OXCT1: variants seen among roughly 807,000 people sequenced by gnomAD.
OXCT1 encodes the protein succinyl-CoA:3-ketoacid coenzyme A transferase 1, mitochondrial.
OXCT1 carries 27 observed loss-of-function variants against 69.6 expected under a neutral mutation model. That is an observed-to-expected ratio of 0.39 (90% CI 0.29 to 0.54). OXCT1 has a LOEUF of 0.54. OXCT1 is among the 20% of genes least tolerant of loss of function. OXCT1 has a pLI of 0.72. For missense variants in OXCT1, 437 were observed against 650.2 expected (o/e 0.67, Z 3.57); for synonymous variants, 202 against 217.8 (o/e 0.93, Z 0.64).
At chr5:41,774,783 T>C (rs532134290) in intron 13 of OXCT1, among the ~76,000 whole-genome samples, 1 of 152,106 alleles carries the variant, frequency 6.6e-6, no homozygotes, top group African/African-American at 2.4e-5. Flanking sequence ...TAGCCCAGGC[T>C]ACTAGGGAGG....
chr5:41,826,160 G>A (rs1453710010), intron 7 of OXCT1, among the ~76,000 whole-genome samples: 5 of 152,132 alleles, frequency 3.3e-5, no homozygotes, highest in Non-Finnish European at 7.4e-5. Context: ...TAAGGTATCA[G>A]CATGTTTAAG....
At chr5:41,732,198 C>T (rs900526753) in intron 16 of OXCT1, among the ~76,000 whole-genome samples, 16 of 152,206 alleles carry the variant, frequency 1.1e-4, no homozygotes, top group Admixed American at 1.0e-3. Context: ...TTGAAAGATG[C>T]TTTATGTAAT....
In OXCT1 at chr5:41,807,390, T is replaced by C. The variant is rs781448165; in HGVS notation, c.781A>G (p.Ile261Val). The C allele has an allele frequency of 1.9e-6, 3 of 1,607,702 alleles. No homozygotes were observed. The highest frequency in any genetic ancestry group is 3.3e-5 in the Admixed American group (2 of 59,878). ...AGGCGATGTACATAAATCTGAGGAATATGGATGTCTTCTGGAGCAAATGCT... is the reference window on the plus strand; with the variant it reads ...AGGCGATGTACATAAATCTGAGGAACATGGATGTCTTCTGGAGCAAATGCT... ...IGAFAPEDIH[I>V]PQIYVHRLIK... Residue 261 changes from isoleucine to valine, a missense_variant, in exon 8 of 17, where the codon ATT becomes GTT. By Grantham distance (29) the Ile-to-Val change is conservative. Around this residue, in one of 4 missense-constraint regions of OXCT1, gnomAD observed 252 missense variants for 397.4 expected, o/e 0.63. Coordinates refer to ENST00000196371, the MANE Select transcript of OXCT1 (RefSeq NM_000436.4).
chr5:41,850,326 G>A (rs1217663478), intron 4 of OXCT1, 147 bp from the exon 5 acceptor site: 6 of 881,632 alleles, frequency 6.8e-6, no homozygotes, highest in Non-Finnish European at 1.1e-5. Flanking sequence ...CACTAATATT[G>A]TATGCTAGAA....
chr5:41,779,459 T>A (rs1745289984), intron 13 of OXCT1, among the ~76,000 whole-genome samples: 1 of 152,114 alleles, frequency 6.6e-6, no homozygotes, highest in South Asian at 2.1e-4. Flanking sequence ...ATATAGAATG[T>A]CTCCATCATC....
chr5:41,830,498 C>G (rs898847651), intron 7 of OXCT1, among the ~76,000 whole-genome samples: 1 of 152,148 alleles, frequency 6.6e-6, no homozygotes, highest in Admixed American at 6.5e-5. Context: ...TAAAGTGCAG[C>G]AAAGAGCATG....
Position 41,749,566 on chromosome 5 carries a change from C to A in OXCT1, c.1380G>T (p.Leu460Phe). ...HKIMEKCTLP[L>F]TGKQCVNRII... The stretch of plus-strand genomic sequence containing the variant: ...TGCGGTTGACACATTGCTTTCCAGT[C>A]AATGGTAATGTACATTTCTCCATGA... The change falls in exon 15 of 17, where the codon TTG (leucine) becomes TTT (phenylalanine). Residue 460 changes from leucine to phenylalanine, a missense_variant. This residue lies in a region of OXCT1 where 102 missense variants were observed against 162.1 expected (regional missense o/e 0.63). Transcript: ENST00000196371. The A allele has an allele frequency of 6.2e-7, 1 of 1,609,556 alleles. No homozygotes were observed. The highest frequency in any genetic ancestry group is 1.1e-5 in the South Asian group (1 of 90,832).
At chr5:41,749,183 G>T (rs1398923397) in intron 15 of OXCT1, among the ~76,000 whole-genome samples, 1 of 152,034 alleles carries the variant, frequency 6.6e-6, no homozygotes, top group Non-Finnish European at 1.5e-5. Context: ...TTCTACTTGT[G>T]ATTTAGAAAA....
chr5:41,797,351 T>G (rs10941557), intron 11 of OXCT1, among the ~76,000 whole-genome samples: 1 of 152,032 alleles, frequency 6.6e-6, no homozygotes, highest in Non-Finnish European at 1.5e-5. Flanking sequence ...AATACATTAC[T>G]GCATCTTAAA....
chr5:41,842,585 C>T (rs562213623), intron 6 of OXCT1, 90 bp downstream of exon 6: 45 of 944,074 alleles, frequency 4.8e-5, no homozygotes, highest in African/African-American at 4.2e-4. Flanking sequence ...TGGGCCATTA[C>T]GAAAATACAT....
chr5:41,742,467 T>C (rs985673464), intron 15 of OXCT1, among the ~76,000 whole-genome samples: 3 of 152,164 alleles, frequency 2.0e-5, no homozygotes, highest in Non-Finnish European at 4.4e-5. Context: ...GAGGAATGCA[T>C]CTTTCTTTTA....
At chr5:41,809,661 T>C (rs1334149662) in intron 7 of OXCT1, among the ~76,000 whole-genome samples, 1 of 151,964 alleles carries the variant, frequency 6.6e-6, no homozygotes, top group Admixed American at 6.6e-5. Flanking sequence ...GAAAAAAAAG[T>C]ATTGCTCACT....
In OXCT1 at chr5:41,819,662, C is replaced by CT. The variant is rs750306605; in HGVS notation, c.733-12225dup. Among the ~76,000 whole-genome samples, 429 of 139,126 alleles carry CT rather than the reference C, an allele frequency of 3.1e-3. 2 individuals carry two copies. Among genetic ancestry groups the CT allele is most frequent in the African/African-American group, 3.7e-3 (142 of 38,230 alleles). 91.3% of individuals were successfully genotyped at this position (139,126 alleles called of 152,430 possible). ...TGAGATAACAGGCGTGAGCCACCTT[C>CT]TTTTTTTTTTTTTTTTAAACACAAT... On this transcript the variant is annotated intron_variant, in intron 7 of 16. Transcript: ENST00000196371.
At chr5:41,783,680 C>T (rs1260076301) in intron 13 of OXCT1, among the ~76,000 whole-genome samples, 1 of 152,144 alleles carries the variant, frequency 6.6e-6, no homozygotes, top group Non-Finnish European at 1.5e-5. Flanking sequence ...CCTTTCAACA[C>T]CAGAGGAGAT....
intron 7 of OXCT1, among the ~76,000 whole-genome samples, chr5:41,827,913 T>C (rs1747887844): frequency 6.6e-6 from 1 of 152,106 alleles, no homozygotes; most frequent in African/African-American, 2.4e-5. Flanking sequence ...ATGATACAGA[T>C]GAAAAATCAG....
At chr5:41,750,134 G>GGTTTTTTTTTTTTTTTTTTTTTTTTTTT (rs1743698283) in intron 14 of OXCT1, among the ~76,000 whole-genome samples, 1 of 85,814 alleles carries the variant, frequency 1.2e-5, no homozygotes, top group Non-Finnish European at 2.4e-5. Flanking sequence ...TGTGTTTTTT[G>GGTTTTTTTTTTTTTTTTTTTTTTTTTTT]GTTTTTTTTT....
Position 41,805,609 on chromosome 5 carries a change from T to C in OXCT1, c.913A>G (p.Ile305Val). ...AKPGDDVRER[I>V]IKRAALEFED... ...AACTCAAGAGCGGCCCTCTTGATGATTCGTTCCCTTACGTCATCTCCAGGT... is the reference window on the plus strand; with the variant it reads ...AACTCAAGAGCGGCCCTCTTGATGACTCGTTCCCTTACGTCATCTCCAGGT... Residue 305 changes from isoleucine to valine, a missense_variant, in exon 9 of 17, where the codon ATC becomes GTC. By Grantham distance (29) the Ile-to-Val change is conservative. Transcript: ENST00000196371. 6.2e-7 allele frequency: 1 copy of C among 1,613,074 alleles called. No homozygotes were observed. Among genetic ancestry groups the C allele is most frequent in the Non-Finnish European group, 8.5e-7 (1 of 1,179,324 alleles).
chr5:41,810,929 A>T (rs180883881), intron 7 of OXCT1, among the ~76,000 whole-genome samples: 10 of 152,108 alleles, frequency 6.6e-5, no homozygotes, highest in Non-Finnish European at 1.0e-4. Flanking sequence ...GGGGAGGAAG[A>T]GGGAGACTCA....
intron 14 of OXCT1, among the ~76,000 whole-genome samples, chr5:41,751,166 T>C (rs565431673): frequency 5.3e-5 from 8 of 152,142 alleles, no homozygotes; most frequent in Non-Finnish European, 1.2e-4. Context: ...TTCGAACTTC[T>C]ACAGTTGTCA....
Sources: allele counts gnomAD v4.1 joint callset (sites outside exome capture counted in the v4.1 genomes callset), GRCh38; gene constraint gnomAD v4.1.1; regional missense constraint gnomAD v4.1.1; transcripts MANE v1.5; gene names NCBI Gene and HGNC (gene_info 2026-07-23, HGNC 2026-07-21).